The following PDK1 variants were observed in gnomAD, a reference collection of about 807,000 sequenced individuals.
PDK1 encodes the protein [Pyruvate dehydrogenase (acetyl-transferring)] kinase isozyme 1, mitochondrial.
Under a neutral mutation model 54.2 loss-of-function variants are expected in PDK1, and 39 were observed. The observed-to-expected ratio is 0.72, with a 90% confidence interval of 0.56 to 0.94. The LOEUF (loss-of-function observed/expected upper bound fraction) is 0.94. Ranked by LOEUF, PDK1 falls within the 40% of genes least tolerant of loss-of-function variation. The pLI, the probability that PDK1 is intolerant of heterozygous loss-of-function variation, is 0.00. For missense variants in PDK1, 552 were observed against 566.0 expected (o/e 0.98, Z 0.25); for synonymous variants, 221 against 207.1 (o/e 1.07, Z -0.58).
chr2:172,694,827 G>A, the PDK1 span, among the ~76,000 whole-genome samples: 2 of 152,170 alleles, frequency 1.3e-5, no homozygotes, highest in African/African-American at 4.8e-5. Context: ...TTATGTAGAA[G>A]TTTGGTAGGC....
chr2:172,642,787 A>ACTCCTCCTCCTCCTCCTCCTCCTCCTC, the PDK1 span, among the ~76,000 whole-genome samples: 2 of 144,062 alleles, frequency 1.4e-5, no homozygotes, highest in Admixed American at 6.9e-5. Context: ...TCCTCCTCCC[A>ACTCCTCCTCCTCCTCCTCCTCCTCCTC]CTCCTCCTCC....
the PDK1 span, among the ~76,000 whole-genome samples, chr2:172,708,341 G>T: frequency 5.3e-5 from 8 of 151,902 alleles, no homozygotes; most frequent in Admixed American, 4.6e-4. Flanking sequence ...AACTATGGTT[G>T]CTAGTAACTC....
chr2:172,587,109 G>C (rs1690274197), intron 9 of PDK1, among the ~76,000 whole-genome samples: 1 of 152,152 alleles, frequency 6.6e-6, no homozygotes, highest in Admixed American at 6.5e-5. Context: ...CCCCTTCCTA[G>C]GAAGTTACTA....
rs745399747 is a variant in PDK1, at chr2:172,556,343, T to C, written c.193T>C (p.Phe65Leu). 2 of 1,449,896 alleles carry C rather than the reference T, an allele frequency of 1.4e-6. No homozygotes were observed. The highest frequency in any genetic ancestry group is 2.9e-5 in the South Asian group (2 of 69,770). 89.8% of individuals were successfully genotyped at this position (1,449,896 alleles called of 1,614,324 possible). A position where few individuals can be genotyped will look rare whatever the true frequency, so the allele number is the denominator to read the frequency against. ...SPLSMKQFLD[F>L]GSVNACEKTS... ...GCTCTCCATGAAGCAGTTCCTGGAC[T>C]TCGGTGAGTGCGGCCCGGGACCTTG... Residue 65 changes from phenylalanine (F) to leucine (L), a missense_variant, in exon 1 of 11, where the codon TTC becomes CTC. By Grantham distance (22) the Phe-to-Leu change is conservative (BLOSUM62 0). Coordinates refer to ENST00000282077, the MANE Select transcript of PDK1 (RefSeq NM_002610.5).
At chr2:172,665,024 A>G in the PDK1 span, among the ~76,000 whole-genome samples, 1 of 152,168 alleles carries the variant, frequency 6.6e-6, no homozygotes, top group Admixed American at 6.5e-5. Context: ...CTTTGGCAGG[A>G]TATTTTGGTT....
the PDK1 span, among the ~76,000 whole-genome samples, chr2:172,629,586 C>T: frequency 1.3e-5 from 2 of 152,184 alleles, no homozygotes; most frequent in Non-Finnish European, 1.5e-5. Flanking sequence ...ATAAAATCCT[C>T]CACACTCACC....
intron 5 of PDK1, among the ~76,000 whole-genome samples, chr2:172,565,876 G>C (rs1314528039): frequency 1.3e-5 from 2 of 152,158 alleles, no homozygotes; most frequent in African/African-American, 4.8e-5. Flanking sequence ...GAATGTATCA[G>C]TATGTGTTAA....
chr2:172,611,864 C>T (rs1001096102), downstream of PDK1, among the ~76,000 whole-genome samples: 17 of 152,322 alleles, frequency 1.1e-4, no homozygotes, highest in African/African-American at 3.8e-4. Flanking sequence ...CTAGTGGTCC[C>T]CACGTTGGGA....
the PDK1 span, among the ~76,000 whole-genome samples, chr2:172,623,753 A>G: frequency 3.3e-5 from 5 of 152,204 alleles, no homozygotes; most frequent in African/African-American, 9.7e-5. Flanking sequence ...TAAAACACCA[A>G]TGAACATACA....
At chr2:172,713,222 A>G in the PDK1 span, among the ~76,000 whole-genome samples, 1 of 152,124 alleles carries the variant, frequency 6.6e-6, no homozygotes, top group Non-Finnish European at 1.5e-5. Context: ...CAAGTCCGGG[A>G]TTTTATGGGC....
At chr2:172,558,658 G>GT (rs756861950) in intron 1 of PDK1, 50 bp from the exon 2 acceptor site, 6 of 1,511,856 alleles carry the variant, frequency 4.0e-6, no homozygotes, top group Admixed American at 4.7e-5. Context: ...CTTGCCTTCT[G>GT]TTTCCTTATG....
chr2:172,574,058 T>G (rs1689444178), intron 8 of PDK1, among the ~76,000 whole-genome samples: 1 of 152,170 alleles, frequency 6.6e-6, no homozygotes, highest in South Asian at 2.1e-4. Flanking sequence ...AGTTTTATAG[T>G]TTTAGCTTTT....
At position 172,571,430 on chromosome 2, in the gene PDK1, C is replaced by T. The variant is rs1231286191; in HGVS notation, c.945+606C>T. Among the ~76,000 whole-genome samples, 3 of 152,170 alleles carry T rather than the reference C, an allele frequency of 2.0e-5. No individual in the cohort carries two copies. In the East Asian group the frequency reaches 5.8e-4, roughly 29 times the overall value. On this transcript the variant is annotated intron_variant, in intron 8 of 10. Coordinates refer to ENST00000282077, the MANE Select transcript of PDK1 (RefSeq NM_002610.5). ...CCAGGCTGGAGTGCAGTGGTGTGATCATCACTCACTGTGACCTTGAACTCC... is the reference window on the plus strand; with the variant it reads ...CCAGGCTGGAGTGCAGTGGTGTGATTATCACTCACTGTGACCTTGAACTCC...
intron 1 of PDK1, 149 bp downstream of exon 1, chr2:172,556,495 T>G: frequency 6.0e-6 from 3 of 502,016 alleles, no homozygotes; most frequent in Middle Eastern, 5.3e-4. Context: ...CTTAGGTGCT[T>G]CCTTCCTCCC....
the PDK1 span, among the ~76,000 whole-genome samples, chr2:172,652,807 A>G: frequency 6.6e-6 from 1 of 152,238 alleles, no homozygotes; most frequent in Non-Finnish European, 1.5e-5. Context: ...ACCACTGCTC[A>G]ATGAAATAAA....
At chr2:172,621,796 T>C in the PDK1 span, among the ~76,000 whole-genome samples, 9 of 113,274 alleles carry the variant, frequency 7.9e-5, no homozygotes. Context: ...ATATGTATGA[T>C]ATATGTTTAT....
chr2:172,623,531 A>C, the PDK1 span, among the ~76,000 whole-genome samples: 1 of 152,234 alleles, frequency 6.6e-6, no homozygotes, highest in South Asian at 2.1e-4. Context: ...GGCAATATTA[A>C]TAGAAGCACT....
the PDK1 span, among the ~76,000 whole-genome samples, chr2:172,642,805 CCTCCTT>C: frequency 3.3e-5 from 5 of 150,794 alleles, no homozygotes; most frequent in African/African-American, 9.8e-5. Context: ...TCCTCCTCCT[CCTCCTT>C]CTTCTTCTCT....
At chr2:172,619,502 A>C in the PDK1 span, among the ~76,000 whole-genome samples, 1 of 150,586 alleles carries the variant, frequency 6.6e-6, no homozygotes, top group South Asian at 2.1e-4. Context: ...TTTTTTTTTA[A>C]TCTAAAAGCA....
Sources: allele counts gnomAD v4.1 joint callset (sites outside exome capture counted in the v4.1 genomes callset), GRCh38; gene constraint gnomAD v4.1.1; transcripts MANE v1.5; gene names NCBI Gene and HGNC (gene_info 2026-07-23, HGNC 2026-07-21).